B3GALT1: variants seen among roughly 807,000 people sequenced by gnomAD.
B3GALT1 encodes beta-1,3-galactosyltransferase 1.
A neutral mutation model predicts 23.2 loss-of-function variants in B3GALT1; 10 were observed. The ratio of observed to expected loss-of-function variants is 0.43; its 90% CI spans 0.27 to 0.73. The LOEUF is 0.73. B3GALT1 is among the 30% of genes least tolerant of loss of function. The probability of loss-of-function intolerance (pLI) is 0.21; values close to 1 mark genes in which losing one functional copy is unlikely to be tolerated. For synonymous variants in B3GALT1, 156 were observed against 141.5 expected (o/e 1.10, Z -0.73); for missense variants, 299 against 405.4 (o/e 0.74, Z 2.25).
chr2:167,801,243 ACCCATC>A (rs1448391643), intron 3 of B3GALT1, among the ~76,000 whole-genome samples: 2 of 152,158 alleles, frequency 1.3e-5, no homozygotes. Flanking sequence ...CTATCAAAGA[ACCCATC>A]CCTGGAAAAT....
rs574325012 is a variant in B3GALT1 at position 167,667,043 on chromosome 2, T to C, written c.-352+20077T>C. On this transcript the variant is annotated intron_variant, in intron 3 of 4. Transcript: ENST00000392690. ...GTTAGTTGATGCAGTTTCTTCCTAG[T>C]CTCGATGGTCTTTACATTTTGGCAT... is the stretch of plus-strand genomic sequence containing the variant. Among the ~76,000 whole-genome samples the C allele has an allele frequency of 8.2e-3, 1,233 of 150,066 alleles. 18 individuals are homozygous for C. Among genetic ancestry groups the C allele is most frequent in the African/African-American group, 0.029 (1,160 of 39,450 alleles).
chr2:167,492,417 CT>C (rs11314878), intron 2 of B3GALT1, among the ~76,000 whole-genome samples: 58,804 of 151,900 alleles, frequency 0.39, 12,141 homozygotes, highest in East Asian at 0.77. Context: ...TTGGGAATTA[CT>C]TTTTTAAGTC....
intron 3 of B3GALT1, among the ~76,000 whole-genome samples, chr2:167,661,736 T>C (rs1686063636): frequency 6.6e-6 from 1 of 152,110 alleles, no homozygotes; most frequent in African/African-American, 2.4e-5. Context: ...GAGAATAAGG[T>C]GCTTTGAGAA....
intron 4 of B3GALT1, among the ~76,000 whole-genome samples, chr2:167,844,004 C>G (rs1346537370): frequency 6.6e-6 from 1 of 152,128 alleles, no homozygotes; most frequent in East Asian, 1.9e-4. Context: ...AGAATGCTCA[C>G]AGAGTAAATG....
chr2:167,427,633 C>G (rs982947453), intron 1 of B3GALT1, among the ~76,000 whole-genome samples: 3 of 152,166 alleles, frequency 2.0e-5, no homozygotes, highest in Non-Finnish European at 4.4e-5. Context: ...AATCCCTGTG[C>G]TCAAGTGATC....
At chr2:167,360,717 A>G (rs1001184506) in intron 1 of B3GALT1, among the ~76,000 whole-genome samples, 1 of 152,166 alleles carries the variant, frequency 6.6e-6, no homozygotes, top group African/African-American at 2.4e-5. Context: ...TTATGTTAGG[A>G]ACATTATAGT....
intron 2 of B3GALT1, among the ~76,000 whole-genome samples, chr2:167,511,685 A>T (rs554407557): frequency 2.0e-5 from 3 of 152,276 alleles, no homozygotes; most frequent in African/African-American, 7.2e-5. Context: ...AGTCTTCCAA[A>T]TGTTAGCAAG....
intron 1 of B3GALT1, among the ~76,000 whole-genome samples, chr2:167,463,104 CT>C (rs1476893977): frequency 6.6e-6 from 1 of 151,954 alleles, no homozygotes. Context: ...AAAATCTTTC[CT>C]AATGAGTTGT....
At chr2:167,740,923 T>C (rs1687568397) in intron 3 of B3GALT1, among the ~76,000 whole-genome samples, 1 of 152,180 alleles carries the variant, frequency 6.6e-6, no homozygotes, top group Non-Finnish European at 1.5e-5. Context: ...AATAAGCCAG[T>C]TCCTTTCCAT....
At chr2:167,420,410 C>T (rs562994243) in intron 1 of B3GALT1, among the ~76,000 whole-genome samples, 112 of 152,278 alleles carry the variant, frequency 7.4e-4, no homozygotes, top group Non-Finnish European at 1.2e-3. Flanking sequence ...CTAAAAATAA[C>T]CTGGGAGCTC....
At chr2:167,746,871 C>T (rs1398058586) in intron 3 of B3GALT1, among the ~76,000 whole-genome samples, 1 of 152,084 alleles carries the variant, frequency 6.6e-6, no homozygotes, top group African/African-American at 2.4e-5. Flanking sequence ...TGGGTTAGTA[C>T]ATATAATTTG....
intron 2 of B3GALT1, among the ~76,000 whole-genome samples, chr2:167,565,488 A>G (rs950164590): frequency 6.6e-6 from 1 of 152,226 alleles, no homozygotes; most frequent in African/African-American, 2.4e-5. Flanking sequence ...AGTGGCAACA[A>G]AAGCCAAAAT....
intron 2 of B3GALT1, among the ~76,000 whole-genome samples, chr2:167,629,217 A>G (rs1478840416): frequency 1.3e-5 from 2 of 151,712 alleles, no homozygotes; most frequent in Non-Finnish European, 3.0e-5. Context: ...TGATCTCGTA[A>G]TGTCTAAGAG....
At chr2:167,672,731 G>T (rs1686353566) in intron 3 of B3GALT1, among the ~76,000 whole-genome samples, 1 of 152,036 alleles carries the variant, frequency 6.6e-6, no homozygotes, top group Admixed American at 6.6e-5. Context: ...AGAGTGCCTG[G>T]TACATAGTAA....
intron 1 of B3GALT1, among the ~76,000 whole-genome samples, chr2:167,347,404 A>C (rs1697236644): frequency 6.6e-6 from 1 of 152,208 alleles, no homozygotes; most frequent in Non-Finnish European, 1.5e-5. Flanking sequence ...GAATCTTTTA[A>C]TGGAATTCAG....
intron 1 of B3GALT1, among the ~76,000 whole-genome samples, chr2:167,294,693 G>GT: frequency 6.6e-6 from 1 of 152,334 alleles, no homozygotes; most frequent in South Asian, 2.1e-4. Context: ...TGGCGTTGGG[G>GT]TTGCAGCAGG....
chr2:167,724,858 C>T (rs1687286188), intron 3 of B3GALT1, among the ~76,000 whole-genome samples: 1 of 152,128 alleles, frequency 6.6e-6, no homozygotes, highest in Admixed American at 6.5e-5. Context: ...GCAAAAGGAC[C>T]TCCTCAAATA....
At chr2:167,359,266 A>G (rs1445658811) in intron 1 of B3GALT1, among the ~76,000 whole-genome samples, 1 of 152,210 alleles carries the variant, frequency 6.6e-6, no homozygotes, top group Non-Finnish European at 1.5e-5. Flanking sequence ...TCTGCATAAC[A>G]GATTTTAGAA....
At chr2:167,815,041 C>G (rs1688968315) in intron 3 of B3GALT1, 1 of 152,248 alleles carries the variant, frequency 6.6e-6, no homozygotes, top group South Asian at 2.1e-4. Flanking sequence ...ACGCACTGGA[C>G]TCTGCAGAAC....
Sources: gnomAD v4.1 joint callset for allele counts (sites outside exome capture counted in the v4.1 genomes callset) on GRCh38, gnomAD v4.1.1 for gene constraint, MANE v1.5 for transcripts, NCBI Gene and HGNC (gene_info 2026-07-23, HGNC 2026-07-21) for gene names.